The following SP4 variants were observed in gnomAD, a reference collection of about 807,000 sequenced individuals.
SP4 encodes transcription factor Sp4.
A neutral mutation model predicts 72.8 loss-of-function variants in SP4; 19 were observed. The ratio of observed to expected loss-of-function variants is 0.26; its 90% confidence interval spans 0.18 to 0.38. The LOEUF is 0.38. SP4 is among the 10% of genes least tolerant of loss of function. The pLI is 1.00. For missense variants in SP4, 1,008 were observed against 926.3 expected (o/e 1.09, Z -1.14); for synonymous variants, 395 against 333.1 (o/e 1.19, Z -2.02).
rs1451594224 is a variant in SP4 at position 21,513,561 on chromosome 7, A to C, written c.*2292A>C. The C allele has an allele frequency of 6.6e-6, 1 of 152,528 alleles. No individual in the cohort carries two copies. Among genetic ancestry groups the C allele is most frequent in the Admixed American group, 6.6e-5 (1 of 15,260 alleles). The allele number at this position is 152,528 out of a possible 1,614,324, so 9.4% of individuals were successfully genotyped here. A position where few individuals can be genotyped will look rare whatever the true frequency, so the allele number is the denominator to read the frequency against. Reference sequence around the variant, plus strand: ...TCAAATATATATTTTATCTATCATTATGCTACACAATCAGTGCTATAAATT... The same window carrying C: ...TCAAATATATATTTTATCTATCATTCTGCTACACAATCAGTGCTATAAATT... On this transcript the variant is annotated 3_prime_UTR_variant, in exon 6 of 6. Coordinates refer to ENST00000222584, the MANE Select transcript of SP4 (RefSeq NM_003112.5).
intron 5 of SP4, among the ~76,000 whole-genome samples, chr7:21,493,199 G>GAA (rs111403862): frequency 0.12 from 17,352 of 146,350 alleles, 1,851 homozygotes; most frequent in East Asian, 0.54. Flanking sequence ...GATTCCATGT[G>GAA]AAAAAAAAAA....
At chr7:21,473,896 G>A (rs2282897) in intron 3 of SP4, among the ~76,000 whole-genome samples, 6 of 152,260 alleles carry the variant, frequency 3.9e-5, no homozygotes, top group Admixed American at 2.6e-4. Flanking sequence ...GTGGGGCCTC[G>A]GAGGTCTTGC....
intron 3 of SP4, among the ~76,000 whole-genome samples, chr7:21,472,018 AAG>A (rs1476933682): frequency 1.2e-4 from 19 of 152,156 alleles, no homozygotes; most frequent in Admixed American, 1.2e-3. Context: ...AATGGTGAAA[AAG>A]AGCTATATTA....
At chr7:21,489,539 T>A (rs1030749175) in intron 5 of SP4, among the ~76,000 whole-genome samples, 1 of 102,162 alleles carries the variant, frequency 9.8e-6, no homozygotes, top group African/African-American at 4.3e-5. Context: ...CAGGCTGGTC[T>A]TTTTTTCTTT....
At chr7:21,474,250 T>C (rs1007863042) in intron 3 of SP4, among the ~76,000 whole-genome samples, 4 of 152,160 alleles carry the variant, frequency 2.6e-5, no homozygotes, top group Non-Finnish European at 5.9e-5. Context: ...TTAAATATTA[T>C]TGCGACCTTT....
chr7:21,463,730 C>G (rs957068038), intron 3 of SP4, among the ~76,000 whole-genome samples: 14 of 152,172 alleles, frequency 9.2e-5, no homozygotes, highest in African/African-American at 3.1e-4. Context: ...TGGGTTGTGT[C>G]TGTAGGAGAC....
Position 21,513,342 on chromosome 7 carries a change from A to T in SP4, c.*2073A>T, listed in dbSNP as rs1238653199. 2.0e-5 allele frequency: 3 copies of T among 152,612 alleles called. No homozygotes were observed. Among genetic ancestry groups the T allele is most frequent in the African/African-American group, 7.2e-5 (3 of 41,460 alleles). 9.5% of individuals were successfully genotyped at this position (152,612 alleles called of 1,614,324 possible). ...TGGTTATAAATTTCAAGTTTCTTAAAGCTTTTGTAGACTTGTAACAGAGTC... is the reference window on the plus strand; with the variant it reads ...TGGTTATAAATTTCAAGTTTCTTAATGCTTTTGTAGACTTGTAACAGAGTC... On this transcript the variant is annotated 3_prime_UTR_variant, in exon 6 of 6. Transcript: ENST00000222584.
intron 3 of SP4, among the ~76,000 whole-genome samples, chr7:21,442,102 A>T (rs1272751351): frequency 6.8e-6 from 1 of 147,508 alleles, no homozygotes; most frequent in African/African-American, 2.5e-5. Flanking sequence ...GCAGTGCCAC[A>T]ATCTCGGCTC....
chr7:21,443,773 T>C lies in SP4; in HGVS notation c.1678+12930T>C, dbSNP rs561868825. Among the ~76,000 whole-genome samples the C allele has an allele frequency of 3.9e-5, 6 of 152,276 alleles. No individual in the cohort carries two copies. In the South Asian group the frequency reaches 1.2e-3, roughly 32 times the overall value. On this transcript the variant is annotated intron_variant, in intron 3 of 5. Transcript: ENST00000222584. ...AGAAGAGGAAGAGACTAGGTGAATA[T>C]GATGACAAGTACTAACGGGATTTAT...
rs1583366006 is a variant in SP4 at position 21,429,378 on chromosome 7, A to G, written c.213A>G (p.Gln71=). The G allele has an allele frequency of 6.2e-7, 1 of 1,613,928 alleles. No individual in the cohort carries two copies. The highest frequency in any genetic ancestry group is 8.5e-7 in the Non-Finnish European group (1 of 1,179,932). Residue 71 remains glutamine, a synonymous_variant, in exon 3 of 6, where the codon CAA becomes CAG. Coordinates refer to ENST00000222584, the MANE Select transcript of SP4 (RefSeq NM_003112.5). Reference sequence around the variant, plus strand: ...AAAATCAAGCAACTGGACAACAACAAATTATTATAGATCCAAGTCAAGGAT... The same window carrying G: ...AAAATCAAGCAACTGGACAACAACAGATTATTATAGATCCAAGTCAAGGAT... ...PGENQATGQQ[Q]IIIDPSQGLV...
At chr7:21,463,331 A>C (rs563522229) in intron 3 of SP4, among the ~76,000 whole-genome samples, 1 of 152,320 alleles carries the variant, frequency 6.6e-6, no homozygotes, top group East Asian at 1.9e-4. Context: ...GGCTATGTAC[A>C]TTGCCAGCAT....
intron 3 of SP4, among the ~76,000 whole-genome samples, chr7:21,452,030 G>T (rs1196883712): frequency 6.6e-6 from 1 of 152,176 alleles, no homozygotes; most frequent in African/African-American, 2.4e-5. Context: ...TTTCTTCTGA[G>T]CTGTAGCCAG....
In SP4 at chr7:21,434,028, G is replaced by A. The variant is rs145546451; in HGVS notation, c.1678+3185G>A. 1.9e-4 allele frequency among the ~76,000 whole-genome samples: 29 copies of A among 152,268 alleles called. 1 individual carries two copies. In the East Asian group the frequency reaches 5.2e-3, roughly 27 times the overall value. ...TGACAAGGGGGAGAAGGAGCAATAA[G>A]TACCCATATCGCCCTTTTATAAATG... On this transcript the variant is annotated intron_variant, in intron 3 of 5. Transcript: ENST00000222584.
At position 21,510,665 on chromosome 7, in the gene SP4, G is replaced by A. The variant is rs566074661; in HGVS notation, c.2108-357G>A. 9.9e-5 allele frequency among the ~76,000 whole-genome samples: 15 copies of A among 152,174 alleles called. No individual in the cohort carries two copies. In the South Asian group the frequency reaches 1.2e-3, roughly 13 times the overall value. On this transcript the variant is annotated intron_variant, in intron 5 of 5. Transcript: ENST00000222584. The stretch of plus-strand genomic sequence containing the variant: ...CAGTTTTGAAGAAGAGTGGACATGA[G>A]CCTTGAACATTATATATATTTGTTA...
chr7:21,463,812 A>G (rs1181061271), intron 3 of SP4, among the ~76,000 whole-genome samples: 1 of 152,126 alleles, frequency 6.6e-6, no homozygotes, highest in Non-Finnish European at 1.5e-5. Context: ...TGTTAATGGG[A>G]TCATCATCAC....
chr7:21,465,882 T>C (rs1022036974), intron 3 of SP4, among the ~76,000 whole-genome samples: 12 of 152,028 alleles, frequency 7.9e-5, no homozygotes, highest in Admixed American at 7.9e-4. Flanking sequence ...AAAGGTTTAA[T>C]TAAGGCCCTT....
Position 21,487,709 on chromosome 7 carries a change from A to G in SP4, c.2107+5586A>G, listed in dbSNP as rs193248640. Among the ~76,000 whole-genome samples the G allele has an allele frequency of 2.6e-3, 382 of 145,878 alleles. 3 individuals carry two copies. The highest frequency in any genetic ancestry group is 4.3e-3 in the Non-Finnish European group (285 of 66,836). ...TTTTCCAGTGTTGTAGGCGTTCCTG[A>G]ATTGTCCAGTGATTCTTTGTTTTTG... On this transcript the variant is annotated intron_variant, in intron 5 of 5. Transcript: ENST00000222584.
At chr7:21,469,037 C>G (rs868776106) in intron 3 of SP4, among the ~76,000 whole-genome samples, 1 of 152,034 alleles carries the variant, frequency 6.6e-6, no homozygotes, top group Non-Finnish European at 1.5e-5. Context: ...CTAGGACTAT[C>G]CCTTGGAAAT....
intron 3 of SP4, among the ~76,000 whole-genome samples, chr7:21,441,070 G>T (rs572600154): frequency 6.6e-6 from 1 of 152,164 alleles, no homozygotes; most frequent in Non-Finnish European, 1.5e-5. Flanking sequence ...GAGTTTATAC[G>T]TAAGTACTGG....
Sources: allele counts gnomAD v4.1 joint callset (sites outside exome capture counted in the v4.1 genomes callset), GRCh38; gene constraint gnomAD v4.1.1; transcripts MANE v1.5; gene names NCBI Gene and HGNC (gene_info 2026-07-23, HGNC 2026-07-21).